TEX9: variants seen among roughly 807,000 people sequenced by gnomAD.
The protein encoded by TEX9 is testis expressed 9, also known as testis-expressed protein 9.
In TEX9, 74 loss-of-function variants were observed where a neutral mutation model predicts 59.6. The ratio of observed to expected loss-of-function variants is 1.24; its 90% CI spans 1.03 to 1.51. TEX9 has a LOEUF of 1.51. TEX9 is among the 40% of genes most tolerant of loss of function. The probability of loss-of-function intolerance (pLI) is 0.00; values close to 1 mark genes in which losing one functional copy is unlikely to be tolerated. For synonymous variants in TEX9, 186 were observed against 152.2 expected, an observed-to-expected ratio of 1.22 and a Z score of -1.64; for missense variants, 522 against 447.8, an observed-to-expected ratio of 1.17 and a Z score of -1.49.
intron 10 of TEX9, among the ~76,000 whole-genome samples, chr15:56,426,341 G>A (rs2050241586): frequency 6.6e-6 from 1 of 151,874 alleles, no homozygotes; most frequent in Admixed American, 6.6e-5. Context: ...TGGGTAAAGG[G>A]TGAGCAAAAC....
At chr15:56,258,847 C>G (rs2044201155) in intron 1 of TEX9, among the ~76,000 whole-genome samples, 1 of 150,542 alleles carries the variant, frequency 6.6e-6, no homozygotes, top group Non-Finnish European at 1.5e-5. Context: ...GATTTGTAGA[C>G]ATTCTTTAGA....
At chr15:56,413,293 A>T (rs1425645377) in intron 10 of TEX9, among the ~76,000 whole-genome samples, 3 of 52,218 alleles carry the variant, frequency 5.7e-5, no homozygotes, top group East Asian at 1.0e-3. Flanking sequence ...ATTTAATAAT[A>T]AATTATTTAA....
At chr15:56,248,907 G>A (rs1247497274) in intron 1 of TEX9, 2 of 152,200 alleles carry the variant, frequency 1.3e-5, no homozygotes, top group African/African-American at 4.8e-5. Flanking sequence ...AACAGGTGGG[G>A]CCTAACCAAT....
chr15:56,352,144 C>G (rs2046594926), intron 1 of TEX9, among the ~76,000 whole-genome samples: 1 of 152,158 alleles, frequency 6.6e-6, no homozygotes, highest in Non-Finnish European at 1.5e-5. Context: ...ACTTCATTTC[C>G]AGGAATTTGG....
intron 1 of TEX9, among the ~76,000 whole-genome samples, chr15:56,286,816 A>G (rs562360420): frequency 1.3e-5 from 2 of 152,216 alleles, no homozygotes; most frequent in Non-Finnish European, 2.9e-5. Flanking sequence ...TAGTTCTCAC[A>G]TTTTCCCCAA....
chr15:56,248,383 CTATT>C (rs1317277394), intron 1 of TEX9, among the ~76,000 whole-genome samples: 1 of 152,140 alleles, frequency 6.6e-6, no homozygotes, highest in Non-Finnish European at 1.5e-5. Flanking sequence ...AGTAGCCTAA[CTATT>C]CAAATACTGT....
At chr15:56,340,281 A>G (rs1388263709) in intron 1 of TEX9, among the ~76,000 whole-genome samples, 1 of 152,196 alleles carries the variant, frequency 6.6e-6, no homozygotes, top group African/African-American at 2.4e-5. Flanking sequence ...GAAAATGACC[A>G]TTAGGTGGGT....
chr15:56,332,141 A>G (rs1481303325), intron 1 of TEX9, among the ~76,000 whole-genome samples: 2 of 125,574 alleles, frequency 1.6e-5, no homozygotes, highest in African/African-American at 6.0e-5. Context: ...AAGGACTATG[A>G]ATCATGCTGC....
At chr15:56,285,281 A>T (rs1358863389) in intron 1 of TEX9, among the ~76,000 whole-genome samples, 1 of 152,138 alleles carries the variant, frequency 6.6e-6, no homozygotes, top group African/African-American at 2.4e-5. Flanking sequence ...TCCGGTTGGC[A>T]ATTACTGCCT....
chr15:56,305,889 A>C (rs1179432791), intron 1 of TEX9, among the ~76,000 whole-genome samples: 3 of 152,222 alleles, frequency 2.0e-5, no homozygotes, highest in Non-Finnish European at 2.9e-5. Flanking sequence ...AGGGATTACT[A>C]ACCAGAATAT....
intron 1 of TEX9, among the ~76,000 whole-genome samples, chr15:56,263,464 C>T (rs2044312661): frequency 6.6e-6 from 1 of 152,090 alleles, no homozygotes; most frequent in Admixed American, 6.6e-5. Context: ...TTTCTCTCAT[C>T]TGTTCTTTTT....
chr15:56,436,525 C>T (rs142629574), intron 12 of TEX9, among the ~76,000 whole-genome samples: 3 of 151,780 alleles, frequency 2.0e-5, no homozygotes, highest in African/African-American at 7.3e-5. Flanking sequence ...AAATTGACAC[C>T]CTAACATCAC....
At chr15:56,337,793 G>T (rs567086069) in intron 1 of TEX9, among the ~76,000 whole-genome samples, 1 of 152,184 alleles carries the variant, frequency 6.6e-6, no homozygotes, top group Non-Finnish European at 1.5e-5. Flanking sequence ...TAAATTTTTT[G>T]GTTTTCTTCC....
intron 12 of TEX9, among the ~76,000 whole-genome samples, chr15:56,440,021 G>C (rs1271097770): frequency 1.3e-5 from 2 of 151,940 alleles, no homozygotes; most frequent in Non-Finnish European, 2.9e-5. Flanking sequence ...ACCTGACAAA[G>C]GACTAGTATC....
At chr15:56,365,016 C>A (rs534106391), upstream of TEX9, among the ~76,000 whole-genome samples, 84 of 152,274 alleles carry the variant, frequency 5.5e-4, no homozygotes, top group Non-Finnish European at 1.0e-3. Context: ...CTTAGCCATG[C>A]ATGCTGTAAA....
intron 1 of TEX9, among the ~76,000 whole-genome samples, chr15:56,352,941 C>T (rs1352931227): frequency 6.6e-6 from 1 of 152,134 alleles, no homozygotes; most frequent in African/African-American, 2.4e-5. Context: ...TTCTCTTCTC[C>T]ATCTTCTCTC....
At chr15:56,357,701 T>G (rs1388546808) in intron 1 of TEX9, among the ~76,000 whole-genome samples, 1 of 152,176 alleles carries the variant, frequency 6.6e-6, no homozygotes, top group East Asian at 1.9e-4. Flanking sequence ...CCATTGAGTA[T>G]TTTCATTTCA....
chr15:56,378,157 C>G (rs868031646), intron 3 of TEX9, among the ~76,000 whole-genome samples: 3 of 152,022 alleles, frequency 2.0e-5, no homozygotes, highest in African/African-American at 7.2e-5. Context: ...CATCAATATT[C>G]GTTAGAGATA....
chr15:56,377,464 G>A (rs930982754), intron 3 of TEX9, among the ~76,000 whole-genome samples: 13 of 151,914 alleles, frequency 8.6e-5, no homozygotes, highest in African/African-American at 3.1e-4. Context: ...GTAGAGATCT[G>A]TTACTGCTTT....
Sources: allele counts gnomAD v4.1 joint callset (sites outside exome capture counted in the v4.1 genomes callset), GRCh38; gene constraint gnomAD v4.1.1; transcripts MANE v1.5; gene names NCBI Gene and HGNC (gene_info 2026-07-23, HGNC 2026-07-21).